Variants in NRXN1 observed in about 807,000 individuals in gnomAD.
NRXN1 encodes neurexin-1.
NRXN1 carries 39 observed loss-of-function variants against 150.9 expected under a neutral mutation model. That is an observed-to-expected ratio of 0.26 (90% confidence interval 0.20 to 0.34). The LOEUF is 0.34. Ranked by LOEUF, NRXN1 falls within the 10% of genes least tolerant of loss-of-function variation. NRXN1 has a pLI of 1.00. For missense variants in NRXN1, 1,815 were observed against 1,949.9 expected, an observed-to-expected ratio of 0.93 and a Z score of 1.30; for synonymous variants, 924 against 757.0, an observed-to-expected ratio of 1.22 and a Z score of -3.62.
At chr2:50,208,496 G>C (rs569485683) in intron 18 of NRXN1, among the ~76,000 whole-genome samples, 1 of 152,170 alleles carries the variant, frequency 6.6e-6, no homozygotes, top group East Asian at 1.9e-4. Context: ...GTTTTGAAAA[G>C]GGGATATAGC....
intron 5 of NRXN1, among the ~76,000 whole-genome samples, chr2:50,757,764 C>A (rs1300573089): frequency 6.6e-6 from 1 of 151,568 alleles, no homozygotes; most frequent in African/African-American, 2.4e-5. Flanking sequence ...GACTGGTGAC[C>A]CTCAAGAGAG....
At chr2:50,988,142 C>G (rs1050612943) in intron 2 of NRXN1, among the ~76,000 whole-genome samples, 1 of 151,956 alleles carries the variant, frequency 6.6e-6, no homozygotes, top group South Asian at 2.1e-4. Context: ...CTCCAATGTT[C>G]AGCTGACAAA....
chr2:50,076,794 C>T (rs13018582), intron 19 of NRXN1, among the ~76,000 whole-genome samples: 14,342 of 152,162 alleles, frequency 0.094, 834 homozygotes, highest in East Asian at 0.18. Flanking sequence ...ACAGGAAGAA[C>T]ACTATTATGA....
intron 2 of NRXN1, among the ~76,000 whole-genome samples, chr2:50,968,021 G>A: frequency 6.6e-6 from 1 of 151,938 alleles, no homozygotes; most frequent in Non-Finnish European, 1.5e-5. Context: ...ATGGGATAAT[G>A]CTAACGAAAG....
At chr2:50,158,407 C>A (rs1184343163) in intron 18 of NRXN1, among the ~76,000 whole-genome samples, 1 of 151,620 alleles carries the variant, frequency 6.6e-6, no homozygotes, top group Non-Finnish European at 1.5e-5. Flanking sequence ...TTCTTACAAG[C>A]ATTTACTTCA....
chr2:50,243,494 G>A lies in NRXN1; in HGVS notation c.3365-6524C>T, dbSNP rs2066222047. Among the ~76,000 whole-genome samples, 3 of 151,812 alleles carry A rather than the reference G, an allele frequency of 2.0e-5. No individual in the cohort carries two copies. In the South Asian group the frequency reaches 6.2e-4, roughly 32 times the overall value. ...ACTTATTAAGTCAAATGCAAACTGAGCAAGACAGGGAGACTCAAACTTGTG... is the reference window on the plus strand; with the variant it reads ...ACTTATTAAGTCAAATGCAAACTGAACAAGACAGGGAGACTCAAACTTGTG... On this transcript the variant is annotated intron_variant, in intron 17 of 22. Coordinates refer to ENST00000401669, the MANE Select transcript of NRXN1 (RefSeq NM_001330078.2).
intron 15 of NRXN1, among the ~76,000 whole-genome samples, chr2:50,492,742 T>C (rs919613972): frequency 2.0e-5 from 3 of 152,236 alleles, no homozygotes; most frequent in South Asian, 2.1e-4. Context: ...CAGCCAACAA[T>C]GTGACTTCAG....
chr2:50,689,295 A>G (rs1425781337), intron 5 of NRXN1, among the ~76,000 whole-genome samples: 1 of 152,180 alleles, frequency 6.6e-6, no homozygotes, highest in African/African-American at 2.4e-5. Context: ...TGAAAAGAAA[A>G]CCAGTTTTAG....
At chr2:50,758,556 C>A (rs1004520884) in intron 5 of NRXN1, among the ~76,000 whole-genome samples, 1 of 151,878 alleles carries the variant, frequency 6.6e-6, no homozygotes, top group Non-Finnish European at 1.5e-5. Context: ...AATCCTTCTG[C>A]TTCAGCCTCC....
rs77835330 is a variant in NRXN1, at chr2:50,597,069, C to T, written c.1320+22953G>A. On this transcript the variant is annotated intron_variant, in intron 8 of 22. Coordinates refer to ENST00000401669, the MANE Select transcript of NRXN1 (RefSeq NM_001330078.2). ...GGTTTCACCAGGCTGATCTCTAACT[C>T]CTGGGCTCAAGCTATCTGCCTGCCT... Among the ~76,000 whole-genome samples, 1,295 of 152,022 alleles carry T rather than the reference C, an allele frequency of 8.5e-3. 19 individuals are homozygous for T. Among genetic ancestry groups the T allele is most frequent in the African/African-American group, 0.029 (1,198 of 41,486 alleles).
Position 50,145,444 on chromosome 2 carries a change from C to G in NRXN1, c.3547-53950G>C, listed in dbSNP as rs960571406. Among the ~76,000 whole-genome samples the G allele has an allele frequency of 2.0e-4, 30 of 151,610 alleles. 1 individual carries two copies. The highest frequency in any genetic ancestry group is 6.0e-4 in the African/African-American group (25 of 41,332). ...ATCATAATGTTACCAACCAAATAAT[C>G]TAATCTAAAAAGTAGATTATTTGAT... On this transcript the variant is annotated intron_variant, in intron 18 of 22. Transcript: ENST00000401669.
At chr2:50,864,862 A>C (rs185711382) in intron 5 of NRXN1, among the ~76,000 whole-genome samples, 1 of 151,958 alleles carries the variant, frequency 6.6e-6, no homozygotes. Context: ...TTATAACACA[A>C]ATTGCTGTGC....
At chr2:50,321,186 A>T (rs1305440296) in intron 17 of NRXN1, among the ~76,000 whole-genome samples, 1 of 152,206 alleles carries the variant, frequency 6.6e-6, no homozygotes, top group African/African-American at 2.4e-5. Context: ...GAGAGATAGC[A>T]CAGTATGCAG....
At chr2:50,357,505 T>A (rs2078904032) in intron 17 of NRXN1, among the ~76,000 whole-genome samples, 2 of 151,718 alleles carry the variant, frequency 1.3e-5, no homozygotes, top group East Asian at 3.9e-4. Flanking sequence ...ATGGGGTTTC[T>A]CCATGTTAGT....
chr2:50,921,941 G>A, intron 4 of NRXN1, 61 bp from the exon 5 acceptor site: 2 of 996,554 alleles, frequency 2.0e-6, no homozygotes, highest in South Asian at 2.3e-5. Context: ...GGATAAAGAG[G>A]AGAAAAACAA....
chr2:49,930,069 T>A (rs1306982640), intron 22 of NRXN1, among the ~76,000 whole-genome samples: 1 of 152,066 alleles, frequency 6.6e-6, no homozygotes, highest in Non-Finnish European at 1.5e-5. Flanking sequence ...GGTAGAGAAG[T>A]CTACGAAAAA....
intron 19 of NRXN1, among the ~76,000 whole-genome samples, chr2:50,086,809 G>A (rs72832037): frequency 0.19 from 28,079 of 145,814 alleles, 3,178 homozygotes; most frequent in Middle Eastern, 0.26. Context: ...GAGGGGGAGA[G>A]GCAGAGAAGA....
intron 5 of NRXN1, 46 bp from the exon 6 acceptor site, chr2:50,623,661 T>G (rs200151215): frequency 1.4e-6 from 2 of 1,399,526 alleles, no homozygotes; most frequent in Non-Finnish European, 9.9e-7. Context: ...AAATACACTA[T>G]GCAAATCAGC....
intron 2 of NRXN1, among the ~76,000 whole-genome samples, chr2:51,007,387 AT>A (rs1469747812): frequency 6.6e-6 from 1 of 151,906 alleles, no homozygotes; most frequent in Non-Finnish European, 1.5e-5. Context: ...TATTTACAAA[AT>A]TTTGGTGATA....
Sources: gnomAD v4.1 joint callset for allele counts (sites outside exome capture counted in the v4.1 genomes callset) on GRCh38, gnomAD v4.1.1 for gene constraint, MANE v1.5 for transcripts, NCBI Gene and HGNC (gene_info 2026-07-23, HGNC 2026-07-21) for gene names.